MICU1: variants seen among roughly 807,000 people sequenced by gnomAD.
MICU1 encodes the protein mitochondrial calcium uptake 1.
Under a neutral mutation model 56.8 loss-of-function variants are expected in MICU1, and 45 were observed. That is an observed-to-expected ratio of 0.79 (90% CI 0.62 to 1.02). The LOEUF (loss-of-function observed/expected upper bound fraction) is 1.02. Among genes scored for constraint, MICU1 ranks in the 50% least tolerant of loss-of-function variants. MICU1 has a pLI of 0.00. For missense variants in MICU1, 504 were observed against 587.1 expected (o/e 0.86, Z 1.46); for synonymous variants, 186 against 195.1 (o/e 0.95, Z 0.39).
chr10:72,614,387 A>C (rs1841929504), intron 1 of MICU1, among the ~76,000 whole-genome samples: 2 of 152,332 alleles, frequency 1.3e-5, no homozygotes, highest in Middle Eastern at 3.4e-3. Flanking sequence ...TTTCCAAAGG[A>C]ATTTAAAGGA....
At chr10:72,429,541 T>C (rs1864459932) in intron 8 of MICU1, among the ~76,000 whole-genome samples, 1 of 152,156 alleles carries the variant, frequency 6.6e-6, no homozygotes, top group Admixed American at 6.6e-5. Flanking sequence ...GAACACCAAC[T>C]TAATAACCTG....
chr10:72,403,116 G>A (rs151134974), intron 10 of MICU1, among the ~76,000 whole-genome samples: 4,599 of 152,200 alleles, frequency 0.03, 232 homozygotes, highest in African/African-American at 0.11. Context: ...GGTGGCTGAC[G>A]CCTGTAATCC....
chr10:72,621,534 A>G (rs561943118), intron 1 of MICU1, among the ~76,000 whole-genome samples: 17 of 152,232 alleles, frequency 1.1e-4, no homozygotes, highest in Admixed American at 8.5e-4. Context: ...TGGTTTCTAT[A>G]CTAACAGATT....
intron 1 of MICU1, among the ~76,000 whole-genome samples, chr10:72,601,956 T>C (rs1434388302): frequency 6.6e-6 from 1 of 151,572 alleles, no homozygotes; most frequent in African/African-American, 2.4e-5. Flanking sequence ...AGTGCCACCA[T>C]GCCTGGCTAA....
At chr10:72,474,704 TTG>T (rs1340553864) in intron 8 of MICU1, among the ~76,000 whole-genome samples, 1 of 152,172 alleles carries the variant, frequency 6.6e-6, no homozygotes, top group Admixed American at 6.5e-5. Flanking sequence ...TTCTGACATT[TTG>T]TGTTTCCAGC....
At chr10:72,469,568 AAAGT>A (rs1332966937) in intron 8 of MICU1, among the ~76,000 whole-genome samples, 4 of 152,216 alleles carry the variant, frequency 2.6e-5, no homozygotes, top group African/African-American at 7.2e-5. Flanking sequence ...TTTCAAAATG[AAAGT>A]AAGGCCTTTC....
chr10:72,622,783 T>C (rs1318909808), intron 1 of MICU1, among the ~76,000 whole-genome samples: 2 of 152,232 alleles, frequency 1.3e-5, no homozygotes, highest in Non-Finnish European at 2.9e-5. Flanking sequence ...ATTACTTCAA[T>C]AATAGGAAAT....
chr10:72,443,815 G>A (rs954215901), intron 8 of MICU1, among the ~76,000 whole-genome samples: 60 of 151,726 alleles, frequency 4.0e-4, no homozygotes, highest in African/African-American at 1.4e-3. Flanking sequence ...TCAGTGTGGC[G>A]ATTCCTCAGG....
intron 1 of MICU1, among the ~76,000 whole-genome samples, chr10:72,623,321 AG>A (rs1842152117): frequency 2.4e-4 from 35 of 147,034 alleles, no homozygotes; most frequent in Non-Finnish European, 3.6e-4. Flanking sequence ...AAAAAAAAAA[AG>A]ACAAGAAAAG....
intron 1 of MICU1, among the ~76,000 whole-genome samples, chr10:72,597,717 T>C (rs1036968280): frequency 1.3e-5 from 2 of 152,220 alleles, no homozygotes; most frequent in African/African-American, 4.8e-5. Flanking sequence ...AAGGTTATTT[T>C]ATACAACATT....
chr10:72,435,779 G>A (rs1052741334), intron 8 of MICU1, among the ~76,000 whole-genome samples: 2 of 152,272 alleles, frequency 1.3e-5, no homozygotes, highest in African/African-American at 4.8e-5. Context: ...ACGGAGCCTT[G>A]CTCACTGCTA....
At chr10:72,451,096 C>A (rs1437050352) in intron 8 of MICU1, among the ~76,000 whole-genome samples, 1 of 147,236 alleles carries the variant, frequency 6.8e-6, no homozygotes, top group Non-Finnish European at 1.5e-5. Flanking sequence ...ATGATCTCAG[C>A]TCACTGCAAC....
intron 1 of MICU1, among the ~76,000 whole-genome samples, chr10:72,585,521 CCT>C (rs1841025445): frequency 6.6e-6 from 1 of 151,934 alleles, no homozygotes; most frequent in South Asian, 2.1e-4. Flanking sequence ...ATGGTGAAAC[CCT>C]GTCTCTACTA....
chr10:72,588,736 G>A (rs902853570), intron 1 of MICU1, among the ~76,000 whole-genome samples: 9 of 152,232 alleles, frequency 5.9e-5, no homozygotes, highest in East Asian at 1.9e-4. Context: ...CCTATGCATC[G>A]TAGGATGTTT....
chr10:72,420,067 CT>C (rs959626559), intron 9 of MICU1, among the ~76,000 whole-genome samples: 2 of 151,830 alleles, frequency 1.3e-5, no homozygotes, highest in South Asian at 2.1e-4. Context: ...GTGTCTTTTC[CT>C]TTTTTTTTAA....
intron 4 of MICU1, among the ~76,000 whole-genome samples, chr10:72,534,747 T>C (rs180966283): frequency 7.3e-4 from 111 of 152,284 alleles, no homozygotes; most frequent in African/African-American, 2.5e-3. Flanking sequence ...CATTTGGTTA[T>C]ACATTCTTCT....
chr10:72,535,621 T>C (rs1476195104), intron 4 of MICU1, among the ~76,000 whole-genome samples: 4 of 152,144 alleles, frequency 2.6e-5, no homozygotes, highest in African/African-American at 7.2e-5. Context: ...CACACTTCAG[T>C]GTATCCTTGT....
At chr10:72,563,953 TAAAAAGG>T (rs1248132512) in intron 2 of MICU1, among the ~76,000 whole-genome samples, 4 of 151,996 alleles carry the variant, frequency 2.6e-5, no homozygotes, top group Admixed American at 2.0e-4. Context: ...TTCACTACAA[TAAAAAGG>T]AACATAAATA....
At chr10:72,552,289 GAA>G (rs1338315179) in intron 3 of MICU1, among the ~76,000 whole-genome samples, 1 of 152,100 alleles carries the variant, frequency 6.6e-6, no homozygotes, top group Non-Finnish European at 1.5e-5. Context: ...TAGTTAATAT[GAA>G]AGTTCATTCC....
Sources: gnomAD v4.1 joint callset for allele counts (sites outside exome capture counted in the v4.1 genomes callset) on GRCh38, gnomAD v4.1.1 for gene constraint, MANE v1.5 for transcripts, NCBI Gene and HGNC (gene_info 2026-07-23, HGNC 2026-07-21) for gene names.